DOT1L: variants seen among roughly 807,000 people sequenced by gnomAD.
DOT1L encodes DOT1 like histone lysine methyltransferase.
In DOT1L, 33 loss-of-function variants were observed where a neutral mutation model predicts 153.3. The observed-to-expected ratio is 0.22, with a 90% confidence interval of 0.16 to 0.29. The LOEUF (loss-of-function observed/expected upper bound fraction) is 0.29. Among genes scored for constraint, DOT1L ranks in the 10% least tolerant of loss-of-function variants. DOT1L has a pLI of 1.00. For missense variants in DOT1L, 1,847 were observed against 2,119.9 expected, an observed-to-expected ratio of 0.87 and a Z score of 2.53; for synonymous variants, 1,135 against 965.1, an observed-to-expected ratio of 1.18 and a Z score of -3.26.
At chr19:2,202,648 T>C in intron 8 of DOT1L, 52 bp from the exon 9 acceptor site, 1 of 1,572,648 alleles carries the variant, frequency 6.4e-7, no homozygotes, top group Middle Eastern at 1.7e-4. Flanking sequence ...GCCGGGTGGC[T>C]GTGCCCGTGA....
chr19:2,211,280 G>T, intron 15 of DOT1L, 68 bp downstream of exon 15: 1 of 1,392,894 alleles, frequency 7.2e-7, no homozygotes, highest in Non-Finnish European at 9.8e-7. Flanking sequence ...ACCGTGGGTT[G>T]TGACGCTGAC....
chr19:2,171,640 G>A (rs2021633728), intron 1 of DOT1L, among the ~76,000 whole-genome samples: 2 of 152,156 alleles, frequency 1.3e-5, no homozygotes, highest in Admixed American at 1.3e-4. Context: ...CTCCGTGTTC[G>A]TGTACATGCC....
Position 2,199,939 on chromosome 19 carries a change from G to A in DOT1L, c.707G>A (p.Ser236Asn). 1 of 1,613,932 alleles carries A rather than the reference G, an allele frequency of 6.2e-7. No homozygotes were observed. The highest frequency in any genetic ancestry group is 2.2e-5 in the East Asian group (1 of 44,872). ...TGGAGGGAGCGAATCGCCAACACGAGGTATGGCCAGCGTGGGGCATGCAGG... is the reference window on the plus strand; with the variant it reads ...TGGAGGGAGCGAATCGCCAACACGAAGTATGGCCAGCGTGGGGCATGCAGG... ...EEWRERIANT[S>N]VIFVNNFAFG... is the part of the protein sequence containing the mutation. Residue 236 changes from serine to asparagine, a missense_variant and splice_region_variant, in exon 8 of 28, where the codon AGT becomes AAT. By Grantham distance (46) the Ser-to-Asn change is conservative. Coordinates refer to ENST00000398665, the MANE Select transcript of DOT1L (RefSeq NM_032482.3).
intron 7 of DOT1L, among the ~76,000 whole-genome samples, chr19:2,194,865 C>T (rs1026352213): frequency 4.6e-5 from 7 of 152,186 alleles, no homozygotes; most frequent in Admixed American, 3.3e-4. Flanking sequence ...CTCCATGGAG[C>T]GGAGGCCTGT....
intron 1 of DOT1L, among the ~76,000 whole-genome samples, chr19:2,172,961 C>G (rs1046875979): frequency 6.7e-6 from 1 of 149,634 alleles, no homozygotes; most frequent in African/African-American, 2.5e-5. Context: ...TGGGCAACTG[C>G]GCGAGACTCC....
At chr19:2,173,561 C>T (rs932412445) in intron 1 of DOT1L, among the ~76,000 whole-genome samples, 5 of 152,156 alleles carry the variant, frequency 3.3e-5, no homozygotes, top group African/African-American at 7.2e-5. Context: ...GCCAGGGTTG[C>T]GAGTAAACCT....
rs1568348250 is a variant in DOT1L at position 2,200,932 on chromosome 19, A to ATCCTCCCCGCATTCCTCG, written c.707+1020_707+1037dup. On this transcript the variant is annotated intron_variant, in intron 8 of 27. Coordinates refer to ENST00000398665, the MANE Select transcript of DOT1L (RefSeq NM_032482.3). ...ATTCCTCGTCCTCCCCGTATTCCTC[A>ATCCTCCCCGCATTCCTCG]TCCTCCCCGCATTCCTCGTCCTCCC... 2.0e-3 allele frequency among the ~76,000 whole-genome samples: 123 copies of ATCCTCCCCGCATTCCTCG among 61,898 alleles called. 6 individuals carry two copies. Among genetic ancestry groups the ATCCTCCCCGCATTCCTCG allele is most frequent in the African/African-American group, 3.8e-3 (57 of 15,132 alleles). The allele number at this position is 61,898 out of a possible 152,430, so 40.6% of individuals were successfully genotyped here.
Position 2,197,090 on chromosome 19 carries a change from G to A in DOT1L, c.651+2513G>A, listed in dbSNP as rs1226616599. 6.6e-6 allele frequency among the ~76,000 whole-genome samples: 1 copy of A among 152,184 alleles called. No homozygotes were observed. The highest frequency in any genetic ancestry group is 1.5e-5 in the Non-Finnish European group (1 of 68,030). Reference sequence around the variant, plus strand: ...GGGCCGCTGAGGGGTTTTCTGCCGTGGTGGGAGCCGTGGCCTGCGGTGCTT... The same window carrying A: ...GGGCCGCTGAGGGGTTTTCTGCCGTAGTGGGAGCCGTGGCCTGCGGTGCTT... On this transcript the variant is annotated intron_variant, in intron 7 of 27. Coordinates refer to ENST00000398665, the MANE Select transcript of DOT1L (RefSeq NM_032482.3). This position sits in a 1 kb window ranked among gnomAD's most constrained non-coding sequence, Gnocchi z 4.1.
intron 8 of DOT1L, among the ~76,000 whole-genome samples, chr19:2,201,826 C>G (rs1006928926): frequency 6.6e-6 from 1 of 152,226 alleles, no homozygotes; most frequent in African/African-American, 2.4e-5. Context: ...TCAGGCAGCC[C>G]CAGCCCTAGG....
Position 2,208,804 on chromosome 19 carries a change from C to T in DOT1L, c.964-131C>T, listed in dbSNP as rs2023602670. 2.2e-6 allele frequency: 2 copies of T among 913,022 alleles called. No homozygotes were observed. The highest frequency in any genetic ancestry group is 3.4e-6 in the Non-Finnish European group (2 of 588,404). 56.6% of individuals were successfully genotyped at this position (913,022 alleles called of 1,614,324 possible). A position where few individuals can be genotyped will look rare whatever the true frequency, so the allele number is the denominator to read the frequency against. ...GCCACTGGGGGGCTCTAGCTGCATG[C>T]CTGCTGTCCCCAGATACCAGAACAG... is the stretch of plus-strand genomic sequence containing the variant. On this transcript the variant is annotated intron_variant, in intron 11 of 27. Transcript: ENST00000398665. This position sits in a 1 kb window ranked among gnomAD's most constrained non-coding sequence, Gnocchi z 4.4.
At position 2,220,071 on chromosome 19, in the gene DOT1L, C is replaced by T. The variant is rs2144890521; in HGVS notation, c.2692-37C>T. On this transcript the variant is annotated intron_variant, in intron 22 of 27. Coordinates refer to ENST00000398665, the MANE Select transcript of DOT1L (RefSeq NM_032482.3). The surrounding 1 kb of genome is among the most constrained non-coding windows in gnomAD (Gnocchi z 4.5). ...GCTGGGTTCTGGGTCTCCTGGGGCA[C>T]CTGCTGCCCCTGACACACAGGGTTT... 2 of 1,554,282 alleles carry T rather than the reference C, an allele frequency of 1.3e-6. No individual in the cohort carries two copies. Among genetic ancestry groups the T allele is most frequent in the Non-Finnish European group, 1.8e-6 (2 of 1,140,974 alleles).
intron 22 of DOT1L, among the ~76,000 whole-genome samples, chr19:2,218,245 A>T (rs928185151): frequency 6.6e-6 from 1 of 152,232 alleles, no homozygotes. Context: ...CTGTCCTCAC[A>T]GCTGCCTCTG....
At position 2,217,472 on chromosome 19, in the gene DOT1L, G is replaced by A. The variant is rs2023950218; in HGVS notation, c.2545-300G>A. 6.6e-6 allele frequency among the ~76,000 whole-genome samples: 1 copy of A among 152,304 alleles called. No individual in the cohort carries two copies. The highest frequency in any genetic ancestry group is 2.4e-5 in the African/African-American group (1 of 41,554). ...ACGGTGACGTTGCATGGACTTGGCA[G>A]TGATGGATGTGGGCCCTGGGAGGCT... On this transcript the variant is annotated intron_variant, in intron 21 of 27. Transcript: ENST00000398665. This position sits in a 1 kb window ranked among gnomAD's most constrained non-coding sequence, Gnocchi z 7.3.
chr19:2,173,730 G>T (rs2021770142), intron 1 of DOT1L, among the ~76,000 whole-genome samples: 1 of 152,186 alleles, frequency 6.6e-6, no homozygotes, highest in African/African-American at 2.4e-5. Context: ...GTCCTTGGTG[G>T]GCAGCTCATA....
At chr19:2,172,057 A>G (rs2021662910) in intron 1 of DOT1L, among the ~76,000 whole-genome samples, 1 of 152,048 alleles carries the variant, frequency 6.6e-6, no homozygotes, top group Non-Finnish European at 1.5e-5. Context: ...TAGTGTGGAA[A>G]CCCCAGGGGA....
Position 2,217,003 on chromosome 19 carries a change from G to T in DOT1L, c.2457G>T (p.Val819=). The change falls in exon 21 of 28, where the codon GTG becomes GTT. Residue 819 remains valine, a synonymous_variant. Coordinates refer to ENST00000398665, the MANE Select transcript of DOT1L (RefSeq NM_032482.3). This position sits in a 1 kb window ranked among gnomAD's most constrained non-coding sequence, Gnocchi z 7.3. ...ENGLPYQSPS[V]PGSMKLSPQD... is the part of the protein sequence containing the mutation. ...GCCTTCCCTACCAGAGCCCCAGCGT[G>T]CCTGGCAGCATGAAGCTGAGCCCTC... 1 of 1,613,202 alleles carries T rather than the reference G, an allele frequency of 6.2e-7. No homozygotes were observed. The highest frequency in any genetic ancestry group is 8.5e-7 in the Non-Finnish European group (1 of 1,179,918).
intron 1 of DOT1L, among the ~76,000 whole-genome samples, chr19:2,179,804 C>G (rs193252590): frequency 2.2e-4 from 33 of 152,230 alleles, no homozygotes; most frequent in Non-Finnish European, 3.4e-4. Context: ...AACAAACAAA[C>G]AGAAAAAAGA....
intron 7 of DOT1L, among the ~76,000 whole-genome samples, chr19:2,196,766 G>C (rs778268681): frequency 1.3e-5 from 2 of 152,168 alleles, no homozygotes; most frequent in Non-Finnish European, 2.9e-5. Flanking sequence ...CCCATGCCAT[G>C]TGAGTCGTGA....
intron 1 of DOT1L, among the ~76,000 whole-genome samples, chr19:2,168,353 G>A (rs937204262): frequency 6.6e-6 from 1 of 152,170 alleles, no homozygotes; most frequent in Admixed American, 6.6e-5. Flanking sequence ...TAGAAGTTCA[G>A]CAGAGATACT....
Sources: allele counts gnomAD v4.1 joint callset (sites outside exome capture counted in the v4.1 genomes callset), GRCh38; gene constraint gnomAD v4.1.1; non-coding constraint Gnocchi (gnomAD v3.1); transcripts MANE v1.5; gene names NCBI Gene and HGNC (gene_info 2026-07-23, HGNC 2026-07-21).